HAVCR1: variants seen among roughly 807,000 people sequenced by gnomAD.
The protein encoded by HAVCR1 is T cell immunoglobin domain and mucin domain protein 1.
In HAVCR1, 34 loss-of-function variants were observed where a neutral mutation model predicts 32.0. That is an observed-to-expected ratio of 1.06 (90% CI 0.81 to 1.42). The LOEUF is 1.42. Ranked by LOEUF, HAVCR1 falls within the 40% of genes most tolerant of loss-of-function variation. The pLI is 0.00. For missense variants in HAVCR1, 420 were observed against 442.3 expected (o/e 0.95, Z 0.45); for synonymous variants, 178 against 170.3 (o/e 1.05, Z -0.35).
chr5:157,042,509 TAAG>T, intron 6 of HAVCR1, 115 bp downstream of exon 6: 1 of 596,018 alleles, frequency 1.7e-6, no homozygotes, highest in Admixed American at 3.1e-5. Context: ...AACTTTTTTT[TAAG>T]AAGAAAAAAA....
chr5:157,034,694 C>T (rs1257289609), intron 7 of HAVCR1, among the ~76,000 whole-genome samples: 3 of 152,048 alleles, frequency 2.0e-5, no homozygotes, highest in Non-Finnish European at 2.9e-5. Context: ...TGAGGCCTTC[C>T]GCAGTGCATT....
chr5:157,069,226 G>A, the HAVCR1 span, among the ~76,000 whole-genome samples: 1 of 152,290 alleles, frequency 6.6e-6, no homozygotes, highest in Non-Finnish European at 1.5e-5. Context: ...AAAAAACTCT[G>A]TTTTATGTAA....
the HAVCR1 span, among the ~76,000 whole-genome samples, chr5:157,064,841 C>A: frequency 6.6e-6 from 1 of 152,044 alleles, no homozygotes; most frequent in African/African-American, 2.4e-5. Context: ...GCACTCTAGT[C>A]TGGGCAACAG....
At chr5:157,034,863 G>T (rs939956595) in intron 7 of HAVCR1, among the ~76,000 whole-genome samples, 37 of 152,124 alleles carry the variant, frequency 2.4e-4, no homozygotes, top group African/African-American at 5.8e-4. Flanking sequence ...TGGGGTTAGG[G>T]TTACAGATTA....
chr5:157,036,807 G>A (rs1332279019), intron 7 of HAVCR1, among the ~76,000 whole-genome samples: 3 of 150,186 alleles, frequency 2.0e-5, no homozygotes, highest in African/African-American at 7.3e-5. Context: ...AAAGTGCTGG[G>A]ATTACAGACA....
chr5:157,052,527 T>G lies in HAVCR1; in HGVS notation c.507A>C (p.Thr169=). Residue 169 remains threonine (T), a synonymous_variant, in exon 4 of 9, where the codon ACA becomes ACC. Coordinates refer to ENST00000523175, the MANE Select transcript of HAVCR1 (RefSeq NM_001173393.3). ...TTVPTTTVPT[T]MSIPTTTTVL... is the part of the protein sequence containing the mutation. ...CAGTCGTTGTCGTTGGAATGCTCAT[T>G]GTTGTTGGAACAGTTGTCGTTGGAA... is the stretch of plus-strand genomic sequence containing the variant. 1 of 1,595,204 alleles carries G rather than the reference T, an allele frequency of 6.3e-7. No individual in the cohort carries two copies.
At chr5:157,049,216 C>T in intron 4 of HAVCR1, 71 bp from the exon 5 acceptor site, 1 of 970,036 alleles carries the variant, frequency 1.0e-6, no homozygotes, top group East Asian at 2.4e-5. Flanking sequence ...AAATAAAGAA[C>T]AAAACTAGAA....
At chr5:157,064,351 A>AT in the HAVCR1 span, among the ~76,000 whole-genome samples, 1 of 137,156 alleles carries the variant, frequency 7.3e-6, no homozygotes, top group African/African-American at 2.5e-5. Context: ...AAAAAAAAAA[A>AT]AAAAGAAAGA....
At chr5:157,061,388 C>T (rs1756486537), upstream of HAVCR1, among the ~76,000 whole-genome samples, 1 of 151,998 alleles carries the variant, frequency 6.6e-6, no homozygotes, top group East Asian at 1.9e-4. Flanking sequence ...TTGTGTGGCA[C>T]CCAACTCCAG....
At chr5:157,045,013 G>A (rs1261811477) in intron 5 of HAVCR1, among the ~76,000 whole-genome samples, 1 of 151,952 alleles carries the variant, frequency 6.6e-6, no homozygotes, top group Non-Finnish European at 1.5e-5. Context: ...ATCCACAGGG[G>A]ATATGTTCCA....
chr5:157,032,760 T>C (rs1477592871), intron 8 of HAVCR1, 94 bp downstream of exon 8: 2 of 772,056 alleles, frequency 2.6e-6, no homozygotes, highest in African/African-American at 1.7e-5. Context: ...ATCCAAGGTA[T>C]GCGATGGAGA....
chr5:157,036,517 G>A (rs916937510), intron 7 of HAVCR1, among the ~76,000 whole-genome samples: 9 of 152,098 alleles, frequency 5.9e-5, no homozygotes, highest in African/African-American at 2.2e-4. Flanking sequence ...TTCCATAGGG[G>A]AATAATAATT....
At chr5:157,051,210 T>C (rs1461263342) in intron 4 of HAVCR1, among the ~76,000 whole-genome samples, 1 of 152,200 alleles carries the variant, frequency 6.6e-6, no homozygotes, top group Non-Finnish European at 1.5e-5. Flanking sequence ...AAAAATAAAC[T>C]GTACATTCTA....
Position 157,055,372 on chromosome 5 carries a change from T to A in HAVCR1, c.208A>T (p.Thr70Ser), listed in dbSNP as rs771593977. 9 of 1,613,912 alleles carry A rather than the reference T, an allele frequency of 5.6e-6. No individual in the cohort carries two copies. In the South Asian group the frequency reaches 9.9e-5, roughly 18 times the overall value. The change falls in exon 3 of 9, where the codon ACC becomes TCC. Residue 70 changes from threonine (T) to serine (S), a missense_variant. Physicochemically the swap from Thr to Ser is moderately conservative, Grantham distance 58. Transcript: ENST00000523175. ...TTATAGCGTGTGTCCTTCCGATAGGTGACGTGGGTTCCATTGGTCCAGACA... is the reference window on the plus strand; with the variant it reads ...TTATAGCGTGTGTCCTTCCGATAGGAGACGTGGGTTCCATTGGTCCAGACA... ...GIVWTNGTHVTYRKDTRYKLL... is the reference protein window; with the variant it reads ...GIVWTNGTHVSYRKDTRYKLL...
chr5:157,039,880 T>C (rs1320830657), intron 6 of HAVCR1, among the ~76,000 whole-genome samples: 4 of 152,198 alleles, frequency 2.6e-5, no homozygotes, highest in Non-Finnish European at 5.9e-5. Flanking sequence ...GGAGAAGACA[T>C]CTTGACATCT....
chr5:157,037,950 T>A (rs371562593), intron 6 of HAVCR1, among the ~76,000 whole-genome samples: 1 of 151,728 alleles, frequency 6.6e-6, no homozygotes, highest in African/African-American at 2.4e-5. Flanking sequence ...GAGGTTGCAG[T>A]GAGCCAAGAT....
intron 8 of HAVCR1, among the ~76,000 whole-genome samples, chr5:157,031,129 A>G (rs2113467120): frequency 6.6e-6 from 1 of 151,960 alleles, no homozygotes; most frequent in South Asian, 2.1e-4. Flanking sequence ...CTTACATGTC[A>G]CTCAACATTT....
chr5:157,036,968 C>A (rs1415906368), intron 7 of HAVCR1, among the ~76,000 whole-genome samples: 3 of 152,080 alleles, frequency 2.0e-5, no homozygotes, highest in African/African-American at 7.2e-5. Flanking sequence ...TCAAGCAATC[C>A]TCCTGCCTCA....
chr5:157,042,772 G>A (rs2270926), intron 5 of HAVCR1, 90 bp from the exon 6 acceptor site: 124,853 of 775,520 alleles, frequency 0.16, 10,698 homozygotes, highest in Middle Eastern at 0.27. Flanking sequence ...ACCTTCTGGC[G>A]ATGAAAAGTT....
Sources: gnomAD v4.1 joint callset for allele counts (sites outside exome capture counted in the v4.1 genomes callset) on GRCh38, gnomAD v4.1.1 for gene constraint, MANE v1.5 for transcripts, NCBI Gene and HGNC (gene_info 2026-07-23, HGNC 2026-07-21) for gene names.